GRB10: variants seen among roughly 807,000 people sequenced by gnomAD.
GRB10 encodes the protein growth factor receptor-bound protein 10.
Under a neutral mutation model 80.9 loss-of-function variants are expected in GRB10, and 20 were observed. That is an observed-to-expected ratio of 0.25 (90% CI 0.17 to 0.36). The LOEUF (loss-of-function observed/expected upper bound fraction) is 0.36. GRB10 is among the 10% of genes least tolerant of loss of function. The pLI is 1.00. For synonymous variants in GRB10, 291 were observed against 291.5 expected (o/e 1.00, Z 0.02); for missense variants, 548 against 747.7 (o/e 0.73, Z 3.12).
At chr7:50,710,388 G>T (rs1027789240) in intron 4 of GRB10, among the ~76,000 whole-genome samples, 1 of 152,110 alleles carries the variant, frequency 6.6e-6, no homozygotes, top group Non-Finnish European at 1.5e-5. Context: ...ACAAAACAGC[G>T]AGGAAGCAGC....
intron 7 of GRB10, among the ~76,000 whole-genome samples, chr7:50,646,958 C>T (rs1018642976): frequency 1.3e-5 from 2 of 152,192 alleles, no homozygotes; most frequent in African/African-American, 2.4e-5. Context: ...GGCTCCTCCA[C>T]TCATCCCAGC....
intron 6 of GRB10, 119 bp downstream of exon 6, chr7:50,674,317 C>T: frequency 1.0e-6 from 1 of 981,986 alleles, no homozygotes; most frequent in Admixed American, 2.0e-5. Flanking sequence ...ATGTATCTGC[C>T]TCTTGACTTT....
intron 7 of GRB10, among the ~76,000 whole-genome samples, chr7:50,638,077 G>C (rs552057127): frequency 7.2e-4 from 109 of 152,242 alleles, no homozygotes; most frequent in African/African-American, 2.5e-3. Context: ...CTGGACCCTT[G>C]TCTGAATGAA....
chr7:50,632,471 T>C (rs1344781296), intron 7 of GRB10, among the ~76,000 whole-genome samples: 1 of 152,162 alleles, frequency 6.6e-6, no homozygotes, highest in African/African-American at 2.4e-5. Context: ...TTTCAAATAC[T>C]GGAGGAGCCC....
At chr7:50,759,338 C>T (rs1227994635) in intron 2 of GRB10, among the ~76,000 whole-genome samples, 3 of 152,120 alleles carry the variant, frequency 2.0e-5, no homozygotes, top group African/African-American at 4.8e-5. Flanking sequence ...CCCACAGAAG[C>T]GGGCAGCAGA....
chr7:50,664,430 C>T (rs932039562), intron 7 of GRB10, among the ~76,000 whole-genome samples: 1 of 152,156 alleles, frequency 6.6e-6, no homozygotes, highest in East Asian at 1.9e-4. Context: ...CAGGCCGTGG[C>T]GGGGGGCCAG....
At position 50,604,391 on chromosome 7, in the gene GRB10, C is replaced by A. The variant is rs1800602; in HGVS notation, c.1390-14G>T. The A allele has an allele frequency of 2.5e-6, 4 of 1,606,954 alleles. No homozygotes were observed. The highest frequency in any genetic ancestry group is 3.4e-6 in the Non-Finnish European group (4 of 1,174,862). On this transcript the variant is annotated splice_polypyrimidine_tract_variant and intron_variant, in intron 15 of 18. Coordinates refer to ENST00000401949, the MANE Select transcript of GRB10 (RefSeq NM_001350814.2). ...TGTGCTTCGCTTCTGCAAAAGAAAT[C>A]CCACATTAGCACCGAGGACAGCAGA...
chr7:50,687,863 G>A (rs1046287181), intron 5 of GRB10, among the ~76,000 whole-genome samples: 2 of 152,198 alleles, frequency 1.3e-5, no homozygotes, highest in Admixed American at 6.5e-5. Context: ...CTGACACATC[G>A]TGTACTTACT....
At chr7:50,625,223 T>C (rs1464259026) in intron 8 of GRB10, among the ~76,000 whole-genome samples, 1 of 152,202 alleles carries the variant, frequency 6.6e-6, no homozygotes, top group African/African-American at 2.4e-5. Context: ...CTGTACCCAA[T>C]TTCTATGTGT....
chr7:50,693,500 C>T (rs184217841), intron 5 of GRB10, among the ~76,000 whole-genome samples: 3 of 152,212 alleles, frequency 2.0e-5, no homozygotes, highest in East Asian at 1.9e-4. Context: ...AGAAAACAGC[C>T]GTAATGGGTT....
intron 8 of GRB10, among the ~76,000 whole-genome samples, chr7:50,624,095 T>TG (rs777174796): frequency 3.0e-4 from 46 of 152,152 alleles, no homozygotes; most frequent in South Asian, 6.2e-4. Flanking sequence ...CCCTCAATTA[T>TG]GGGGGGGTTG....
At chr7:50,703,688 C>G (rs2064568675) in intron 5 of GRB10, 133 bp downstream of exon 5, 1 of 686,622 alleles carries the variant, frequency 1.5e-6, no homozygotes, top group Non-Finnish European at 2.6e-6. Context: ...ATTCACTGTC[C>G]TTAATGAGAA....
intron 7 of GRB10, among the ~76,000 whole-genome samples, chr7:50,628,559 C>T (rs1200318810): frequency 7.8e-6 from 1 of 128,742 alleles, no homozygotes; most frequent in Non-Finnish European, 1.7e-5. Context: ...GCCTGAGTGC[C>T]CAGGTGGGGG....
At chr7:50,760,054 G>A (rs1389683533) in intron 2 of GRB10, among the ~76,000 whole-genome samples, 1 of 152,158 alleles carries the variant, frequency 6.6e-6, no homozygotes, top group Non-Finnish European at 1.5e-5. Flanking sequence ...GCCACCAGCC[G>A]AGCAAGCACA....
intron 16 of GRB10, 80 bp downstream of exon 16, chr7:50,604,231 G>A (rs1028343524): frequency 7.1e-5 from 97 of 1,360,154 alleles, no homozygotes; most frequent in Non-Finnish European, 9.1e-5. Context: ...AGGCAAATTC[G>A]TAAGGCTGAG....
chr7:50,603,000 C>T (rs1363225438), intron 17 of GRB10, among the ~76,000 whole-genome samples: 4 of 152,110 alleles, frequency 2.6e-5, no homozygotes, highest in Admixed American at 6.6e-5. Flanking sequence ...GTTGAAGCTG[C>T]GTGATGGGTA....
chr7:50,707,849 G>A (rs1238454852), intron 4 of GRB10, among the ~76,000 whole-genome samples: 1 of 152,160 alleles, frequency 6.6e-6, no homozygotes, highest in Non-Finnish European at 1.5e-5. Context: ...TGCACTGTGA[G>A]GTATGAGGCC....
intron 9 of GRB10, among the ~76,000 whole-genome samples, 188 bp downstream of exon 9, chr7:50,618,982 G>A (rs1016144205): frequency 2.0e-5 from 3 of 152,148 alleles, no homozygotes; most frequent in Non-Finnish European, 2.9e-5. Flanking sequence ...CCAGTCCCAC[G>A]CACATTTAGT....
Position 50,677,847 on chromosome 7 carries a change from G to A in GRB10, c.140-3189C>T, listed in dbSNP as rs753211911. On this transcript the variant is annotated intron_variant, in intron 5 of 18. Transcript: ENST00000401949. ...CAATGCCACACACGTGCACACGTGC[G>A]AACATGTCCACACACATGCACACAC... Among the ~76,000 whole-genome samples the A allele has an allele frequency of 7.9e-5, 12 of 152,246 alleles. No homozygotes were observed. The East Asian group carries it at 9.6e-4, about 12-fold the overall frequency.
Sources: allele counts gnomAD v4.1 joint callset (sites outside exome capture counted in the v4.1 genomes callset), GRCh38; gene constraint gnomAD v4.1.1; transcripts MANE v1.5; gene names NCBI Gene and HGNC (gene_info 2026-07-23, HGNC 2026-07-21).